Variants in ITGAL observed in about 807,000 individuals in gnomAD.
The protein encoded by ITGAL is integrin alpha-L.
ITGAL carries 68 observed loss-of-function variants against 138.4 expected under a neutral mutation model. The observed-to-expected ratio is 0.49, with a 90% CI of 0.40 to 0.60. ITGAL has a LOEUF of 0.60. Ranked by LOEUF, ITGAL falls within the 20% of genes least tolerant of loss-of-function variation. ITGAL has a pLI of 0.00. For synonymous variants in ITGAL, 561 were observed against 584.3 expected, an observed-to-expected ratio of 0.96 and a Z score of 0.57; for missense variants, 1,256 against 1,478.6, an observed-to-expected ratio of 0.85 and a Z score of 2.47.
intron 30 of ITGAL, 24 bp from the exon 31 acceptor site, chr16:30,521,468 C>A: frequency 1.3e-6 from 2 of 1,598,550 alleles, no homozygotes; most frequent in South Asian, 2.2e-5. Flanking sequence ...ATTCTTTGCT[C>A]GTTCAAATTT....
At chr16:30,475,636 G>GAGAGA (rs2050459389) in intron 4 of ITGAL, 56 bp downstream of exon 4, 1 of 1,331,940 alleles carries the variant, frequency 7.5e-7, no homozygotes, top group Non-Finnish European at 1.1e-6. Context: ...TTCAAGTAAT[G>GAGAGA]AGAGAAGAAA....
At chr16:30,474,846 C>CT (rs1205873810) in intron 2 of ITGAL, among the ~76,000 whole-genome samples, 9,621 of 125,034 alleles carry the variant, frequency 0.077, 1,170 homozygotes, top group African/African-American at 0.26. Context: ...GAGGCATCTT[C>CT]TTTTTTTTTT....
At chr16:30,498,791 C>A in intron 15 of ITGAL, 2 of 302,564 alleles carry the variant, frequency 6.6e-6, no homozygotes, top group South Asian at 6.3e-5. Context: ...GTCCCAGATC[C>A]TTGGGAGGCT....
At chr16:30,516,745 G>A (rs139520326) in intron 25 of ITGAL, among the ~76,000 whole-genome samples, 20 of 152,326 alleles carry the variant, frequency 1.3e-4, no homozygotes, top group Non-Finnish European at 2.4e-4. Context: ...CTTGCAGGGT[G>A]TGTGAGAGTG....
chr16:30,518,598 T>A (rs376426150), intron 28 of ITGAL, 26 bp from the exon 29 acceptor site: 87 of 1,540,934 alleles, frequency 5.6e-5, no homozygotes, highest in Non-Finnish European at 7.8e-5. Context: ...TCTCCCGGGT[T>A]CTGACGCCTT....
rs1555507163 is a variant in ITGAL, at chr16:30,499,715, A to ATATATATATGTGTATATATATATACG, written c.2145+235_2145+236insGTGTATATATATATACGTATATATAT. 4.2e-4 allele frequency among the ~76,000 whole-genome samples: 43 copies of ATATATATATGTGTATATATATATACG among 103,296 alleles called. 3 individuals are homozygous for ATATATATATGTGTATATATATATACG. Among genetic ancestry groups the ATATATATATGTGTATATATATATACG allele is most frequent in the African/African-American group, 1.8e-3 (40 of 22,812 alleles). 67.8% of individuals were successfully genotyped at this position (103,296 alleles called of 152,430 possible). ...TATATATGTGTATATATATATATGT[A>ATATATATATGTGTATATATATATACG]TATATATATATATATATATTTTTTT... On this transcript the variant is annotated intron_variant, in intron 17 of 30. Transcript: ENST00000356798.
chr16:30,519,713 T>C (rs2051222851), intron 29 of ITGAL, 144 bp from the exon 30 acceptor site: 4 of 677,356 alleles, frequency 5.9e-6, no homozygotes, highest in East Asian at 2.5e-5. Flanking sequence ...ATAGGTGACG[T>C]GTTAAAGGGA....
At chr16:30,474,119 C>A in intron 1 of ITGAL, 77 bp from the exon 2 acceptor site, 1 of 1,106,356 alleles carries the variant, frequency 9.0e-7, no homozygotes, top group Non-Finnish European at 1.3e-6. Flanking sequence ...CCGGGTGGGC[C>A]TGGGATCGGC....
At chr16:30,497,310 T>C (rs1478172785) in intron 15 of ITGAL, among the ~76,000 whole-genome samples, 1 of 149,658 alleles carries the variant, frequency 6.7e-6, no homozygotes, top group African/African-American at 2.5e-5. Context: ...GCCCCTGCAC[T>C]CCAGCCTGGG....
chr16:30,508,187 C>CGT (rs1428416455), intron 21 of ITGAL, among the ~76,000 whole-genome samples: 2 of 147,630 alleles, frequency 1.4e-5, no homozygotes, highest in Non-Finnish European at 3.0e-5. Flanking sequence ...GGATTACAGG[C>CGT]GTGGGCCACC....
In ITGAL at chr16:30,521,442, C is replaced by T. The variant is rs568866121; in HGVS notation, c.3340-50C>T. On this transcript the variant is annotated intron_variant, in intron 30 of 30. Coordinates refer to ENST00000356798, the MANE Select transcript of ITGAL (RefSeq NM_002209.3). Reference sequence around the variant, plus strand: ...AAAGTGTTCTCACATTTTCTTGGGGCCAAAGTGCTCAGTGAATTCTTTGCT... The same window carrying T: ...AAAGTGTTCTCACATTTTCTTGGGGTCAAAGTGCTCAGTGAATTCTTTGCT... 86 of 1,546,958 alleles carry T rather than the reference C, an allele frequency of 5.6e-5. No homozygotes were observed. In the East Asian group the frequency reaches 1.5e-3, roughly 27 times the overall value.
intron 17 of ITGAL, among the ~76,000 whole-genome samples, chr16:30,499,953 TAGTC>T (rs1359980306): frequency 3.3e-5 from 5 of 150,030 alleles, no homozygotes; most frequent in African/African-American, 1.2e-4. Context: ...TTCACCATGT[TAGTC>T]AGGCTGGTCT....
rs114836322 is a variant in ITGAL, at chr16:30,479,315, C to T, written c.446-16C>T. On this transcript the variant is annotated splice_polypyrimidine_tract_variant and intron_variant, in intron 5 of 30. Transcript: ENST00000356798. Reference sequence around the variant, plus strand: ...CAGAGATGCTTCACTGGGTCCCTTGCGTCTGGCTTCTGCAGAATGTATCAA... The same window carrying T: ...CAGAGATGCTTCACTGGGTCCCTTGTGTCTGGCTTCTGCAGAATGTATCAA... 2.9e-5 allele frequency: 46 copies of T among 1,613,752 alleles called. No homozygotes were observed. The highest frequency in any genetic ancestry group is 1.1e-4 in the African/African-American group (8 of 75,008).
At position 30,489,123 on chromosome 16, in the gene ITGAL, TC is replaced by T. The variant is rs2050688352; in HGVS notation, c.1050del (p.Ser351ProfsTer18). 6.2e-7 allele frequency: 1 copy of T among 1,613,914 alleles called. No homozygotes were observed. Among genetic ancestry groups the T allele is most frequent in the Admixed American group, 1.7e-5 (1 of 59,978 alleles). On this transcript the variant is annotated frameshift_variant, in exon 10 of 31. Transcript: ENST00000356798. LOFTEE classifies it high-confidence loss of function. ...QDLTSFNMEL[S>X]SSGISADLSR... is the part of the protein sequence containing the mutation. ...CCTGACTTCCTTCAACATGGAGCTGTCCTCCAGCGGCATCAGTGCTGACCTC... is the reference window on the plus strand; with the variant it reads ...CCTGACTTCCTTCAACATGGAGCTGTCTCCAGCGGCATCAGTGCTGACCTC...
chr16:30,480,665 T>G (rs2050539420), intron 6 of ITGAL: 1 of 152,198 alleles, frequency 6.6e-6, no homozygotes, highest in African/African-American at 2.4e-5. Context: ...AAGAATTATC[T>G]GAGGCAAGGA....
In ITGAL at chr16:30,502,183, G is replaced by T. The variant is rs189966543; in HGVS notation, c.2146-1992G>T. 3.7e-4 allele frequency among the ~76,000 whole-genome samples: 55 copies of T among 150,140 alleles called. 1 individual carries two copies. The highest frequency in any genetic ancestry group is 6.0e-4 in the Admixed American group (9 of 15,026). On this transcript the variant is annotated intron_variant, in intron 17 of 30. Transcript: ENST00000356798. ...GAGGCCAAGGTGGGCGGATCACGAG[G>T]TGAGGAGATTGAGACCATCCTGGCT...
At position 30,504,255 on chromosome 16, in the gene ITGAL, C is replaced by T. The variant is rs1200684003; in HGVS notation, c.2226C>T (p.Asp742=). 1 of 1,612,006 alleles carries T rather than the reference C, an allele frequency of 6.2e-7. No individual in the cohort carries two copies. The highest frequency in any genetic ancestry group is 1.3e-5 in the African/African-American group (1 of 74,958). The change falls in exon 18 of 31, where the codon GAC becomes GAT. Residue 742 remains aspartate, a synonymous_variant. Transcript: ENST00000356798. ...SLWEEEGTPR[D]QRAQGKDIPP... The stretch of plus-strand genomic sequence containing the variant: ...GGGAGGAGGAAGGGACACCGAGGGA[C>T]CAAAGGGCGGTAAGAAGAGATGGCT...
At chr16:30,495,288 G>A (rs1337800274) in intron 13 of ITGAL, among the ~76,000 whole-genome samples, 1 of 151,924 alleles carries the variant, frequency 6.6e-6, no homozygotes, top group East Asian at 1.9e-4. Flanking sequence ...GCCTCCCAAA[G>A]TGTTCGGATT....
intron 1 of ITGAL, 177 bp from the exon 2 acceptor site, chr16:30,474,019 T>C: frequency 1.4e-6 from 1 of 696,236 alleles, no homozygotes. Context: ...TTCAGAGCTC[T>C]AGGGGGGCCG....
Sources: allele counts gnomAD v4.1 joint callset (sites outside exome capture counted in the v4.1 genomes callset), GRCh38; gene constraint gnomAD v4.1.1; transcripts MANE v1.5; gene names NCBI Gene and HGNC (gene_info 2026-07-23, HGNC 2026-07-21).